Variants in ADGRB3 observed in about 807,000 individuals in gnomAD.
ADGRB3 encodes the protein brain-specific angiogenesis inhibitor 3.
Under a neutral mutation model 193.4 loss-of-function variants are expected in ADGRB3, and 37 were observed. The observed-to-expected ratio is 0.19, with a 90% confidence interval of 0.15 to 0.25. The LOEUF (loss-of-function observed/expected upper bound fraction) is 0.25. Ranked by LOEUF, ADGRB3 falls within the 10% of genes least tolerant of loss-of-function variation. The probability of loss-of-function intolerance (pLI) is 1.00; values close to 1 mark genes in which losing one functional copy is unlikely to be tolerated. For missense variants in ADGRB3, 1,637 were observed against 1,852.9 expected (o/e 0.88, Z 2.14); for synonymous variants, 690 against 644.2 (o/e 1.07, Z -1.08).
Position 69,339,424 on chromosome 6 carries a change from T to C in ADGRB3, c.3379T>C (p.Leu1127=), listed in dbSNP as rs754622153. The C allele has an allele frequency of 5.6e-6, 9 of 1,613,952 alleles. No homozygotes were observed. In the Admixed American group the frequency reaches 1.2e-4, roughly 21 times the overall value. Residue 1127 remains leucine (L), a synonymous_variant, in exon 26 of 32, where the codon TTG becomes CTG. Coordinates refer to ENST00000370598, the MANE Select transcript of ADGRB3 (RefSeq NM_001704.3). ...GGCCATGACAGATAAACGCTCCATA[T>C]TGTTTCAAATACTTTTTGCTGTGTT... ...VLAMTDKRSI[L]FQILFAVFDS...
At position 68,638,809 on chromosome 6, in the gene ADGRB3, G is replaced by A. The variant is rs1279600266; in HGVS notation, c.134G>A (p.Ser45Asn). The change falls in exon 3 of 32, where the codon AGT becomes AAT. Residue 45 changes from serine (S) to asparagine (N), a missense_variant. Physicochemically the swap from Ser to Asn is conservative, Grantham distance 46. Coordinates refer to ENST00000370598, the MANE Select transcript of ADGRB3 (RefSeq NM_001704.3). ...KGVIYGSYSVSEMFPKNFTNC... is the reference protein window; with the variant it reads ...KGVIYGSYSVNEMFPKNFTNC... The stretch of plus-strand genomic sequence containing the variant: ...GTCATTTATGGATCGTATTCTGTAA[G>A]TGAAATGTTTCCTAAAAACTTTACA... 3 of 1,613,978 alleles carry A rather than the reference G, an allele frequency of 1.9e-6. No individual in the cohort carries two copies. Among genetic ancestry groups the A allele is most frequent in the African/African-American group, 1.3e-5 (1 of 74,914 alleles).
intron 17 of ADGRB3, among the ~76,000 whole-genome samples, chr6:69,228,008 C>T (rs1048866143): frequency 9.2e-5 from 14 of 152,202 alleles, no homozygotes; most frequent in Non-Finnish European, 1.2e-4. Context: ...GTAATCCCAG[C>T]ACTTTGGGAG....
intron 3 of ADGRB3, among the ~76,000 whole-genome samples, chr6:68,696,896 GTCC>G (rs1336850135): frequency 2.6e-5 from 4 of 151,884 alleles, no homozygotes; most frequent in African/African-American, 9.7e-5. Flanking sequence ...AAAACCTTTC[GTCC>G]TCCTGTAAAT....
chr6:69,071,239 G>C (rs1233648890), intron 16 of ADGRB3, among the ~76,000 whole-genome samples: 1 of 152,146 alleles, frequency 6.6e-6, no homozygotes, highest in South Asian at 2.1e-4. Flanking sequence ...TCCTTAAAAA[G>C]ACTTAGAAGA....
chr6:68,795,708 A>G (rs1767194334), intron 3 of ADGRB3, among the ~76,000 whole-genome samples: 1 of 152,128 alleles, frequency 6.6e-6, no homozygotes, highest in Non-Finnish European at 1.5e-5. Context: ...TAAGAAGTAA[A>G]CACCGAATGT....
intron 20 of ADGRB3, among the ~76,000 whole-genome samples, chr6:69,314,800 A>ATTT (rs1768277301): frequency 1.3e-5 from 2 of 151,570 alleles, no homozygotes; most frequent in Admixed American, 1.3e-4. Context: ...GTGAAGTGAT[A>ATTT]ATAACAAAAG....
chr6:69,130,038 TA>T (rs1773962301), intron 17 of ADGRB3, among the ~76,000 whole-genome samples: 1 of 152,072 alleles, frequency 6.6e-6, no homozygotes. Context: ...ATAAACTGGG[TA>T]ACTTGGAAAA....
chr6:68,808,336 A>G (rs540094616), intron 3 of ADGRB3, among the ~76,000 whole-genome samples: 10 of 152,006 alleles, frequency 6.6e-5, no homozygotes, highest in Non-Finnish European at 1.3e-4. Context: ...TCTCCCTCAG[A>G]TACCATCGGA....
At chr6:68,879,711 C>T (rs1338267845) in intron 3 of ADGRB3, among the ~76,000 whole-genome samples, 3 of 152,084 alleles carry the variant, frequency 2.0e-5, no homozygotes, top group South Asian at 2.1e-4. Flanking sequence ...CACCCCCATA[C>T]CTGAGCTTAT....
intron 20 of ADGRB3, among the ~76,000 whole-genome samples, chr6:69,292,875 C>G (rs1328638315): frequency 1.3e-5 from 2 of 151,836 alleles, no homozygotes; most frequent in African/African-American, 4.8e-5. Flanking sequence ...CCCCGTCCCC[C>G]CACCCCACAA....
chr6:68,965,308 G>A (rs1768346635), intron 8 of ADGRB3, among the ~76,000 whole-genome samples: 1 of 152,120 alleles, frequency 6.6e-6, no homozygotes, highest in Admixed American at 6.6e-5. Flanking sequence ...GGAAATTAGA[G>A]CTGTAAGTCA....
At chr6:68,707,846 C>T (rs1388995661) in intron 3 of ADGRB3, among the ~76,000 whole-genome samples, 1 of 152,120 alleles carries the variant, frequency 6.6e-6, no homozygotes, top group African/African-American at 2.4e-5. Context: ...GGCATAGGTA[C>T]AGCACTAACA....
chr6:68,943,734 G>T, intron 5 of ADGRB3, 96 bp from the exon 6 acceptor site: 1 of 998,494 alleles, frequency 1.0e-6, no homozygotes, highest in Non-Finnish European at 1.4e-6. Flanking sequence ...CTTTACATTT[G>T]TCTATTTAAT....
chr6:68,897,362 A>G (rs1473976175), intron 3 of ADGRB3, among the ~76,000 whole-genome samples: 4 of 149,786 alleles, frequency 2.7e-5, no homozygotes, highest in Non-Finnish European at 5.9e-5. Context: ...TTCGTCTTAA[A>G]AGAAAAAGAA....
intron 13 of ADGRB3, among the ~76,000 whole-genome samples, chr6:69,027,652 T>A (rs934628794): frequency 6.6e-6 from 1 of 152,156 alleles, no homozygotes; most frequent in Admixed American, 6.6e-5. Flanking sequence ...GATATTATAA[T>A]AGACTATTTG....
chr6:68,823,703 T>C (rs1219508993), intron 3 of ADGRB3, among the ~76,000 whole-genome samples: 1 of 152,092 alleles, frequency 6.6e-6, no homozygotes, highest in East Asian at 1.9e-4. Flanking sequence ...TGCTAGTAGA[T>C]GGTTCAAAAG....
At chr6:68,995,939 A>T (rs1322735489) in intron 11 of ADGRB3, among the ~76,000 whole-genome samples, 2 of 152,180 alleles carry the variant, frequency 1.3e-5, no homozygotes, top group Non-Finnish European at 2.9e-5. Context: ...TTTTATACAA[A>T]GAATTTGCAA....
intron 31 of ADGRB3, among the ~76,000 whole-genome samples, chr6:69,387,047 C>T (rs572157592): frequency 2.0e-5 from 3 of 152,210 alleles, no homozygotes; most frequent in South Asian, 2.1e-4. Context: ...TTGATCCACA[C>T]GTTCTGCCAA....
chr6:68,907,034 A>G (rs1313898411), intron 3 of ADGRB3, among the ~76,000 whole-genome samples: 2 of 151,964 alleles, frequency 1.3e-5, no homozygotes, highest in South Asian at 2.1e-4. Flanking sequence ...AAAATAATAT[A>G]TATACAAAAG....
Sources: allele counts gnomAD v4.1 joint callset (sites outside exome capture counted in the v4.1 genomes callset), GRCh38; gene constraint gnomAD v4.1.1; transcripts MANE v1.5; gene names NCBI Gene and HGNC (gene_info 2026-07-23, HGNC 2026-07-21).